The following SCAI variants were observed in gnomAD, a reference collection of about 807,000 sequenced individuals.
SCAI encodes the protein suppressor of cancer cell invasion.
Under a neutral mutation model 92.2 loss-of-function variants are expected in SCAI, and 24 were observed. The observed-to-expected ratio is 0.26, with a 90% CI of 0.19 to 0.37. The LOEUF (loss-of-function observed/expected upper bound fraction) is 0.37, where lower values mean the gene tolerates loss of function less well. Among genes scored for constraint, SCAI ranks in the 10% least tolerant of loss-of-function variants. The pLI, the probability that SCAI is intolerant of heterozygous loss-of-function variation, is 1.00. For missense variants in SCAI, 450 were observed against 736.2 expected (o/e 0.61, Z 4.50); for synonymous variants, 261 against 258.6 (o/e 1.01, Z -0.09).
Position 125,003,156 on chromosome 9 carries a change from T to C in SCAI, c.1023A>G (p.Pro341=). The stretch of plus-strand genomic sequence containing the variant: ...AGAAGGTATATAGCTGGCTGAAGGT[T>C]GGTTTGTAGAGCAGATACTTGTGGG... ...ENPHKYLLYK[P]TFSQLYTFLA... is the part of the protein sequence containing the mutation. Residue 341 remains proline (P), a synonymous_variant, in exon 11 of 18, where the codon CCA becomes CCG. Coordinates refer to ENST00000336505, the MANE Select transcript of SCAI (RefSeq NM_001144877.3). 1 of 1,614,074 alleles carries C rather than the reference T, an allele frequency of 6.2e-7. No individual in the cohort carries two copies. The highest frequency in any genetic ancestry group is 8.5e-7 in the Non-Finnish European group (1 of 1,179,948).
chr9:125,131,420 A>AG (rs1385691953), intron 2 of SCAI, among the ~76,000 whole-genome samples: 10 of 151,502 alleles, frequency 6.6e-5, no homozygotes, highest in African/African-American at 2.4e-4. Context: ...AAAAAAAAAA[A>AG]AAAGAAAAAT....
chr9:125,075,842 G>A (rs1310321263), intron 2 of SCAI, among the ~76,000 whole-genome samples: 1 of 152,150 alleles, frequency 6.6e-6, no homozygotes, highest in African/African-American at 2.4e-5. Context: ...TGGGATTATA[G>A]GCGTGAGCCA....
intron 3 of SCAI, among the ~76,000 whole-genome samples, chr9:125,036,528 A>G (rs948608249): frequency 5.9e-5 from 9 of 152,210 alleles, no homozygotes; most frequent in Non-Finnish European, 1.2e-4. Flanking sequence ...TCCAGGTGAG[A>G]GGGATGTTTT....
At chr9:124,985,883 G>T (rs1031131090) in intron 14 of SCAI, among the ~76,000 whole-genome samples, 1 of 142,406 alleles carries the variant, frequency 7.0e-6, no homozygotes, top group Non-Finnish European at 1.5e-5. Flanking sequence ...AAAAAAAAAA[G>T]AAATTCCAAT....
In SCAI at chr9:125,019,218, AC is replaced by A; in HGVS notation, c.610-14del. 1 of 1,445,128 alleles carries A rather than the reference AC, an allele frequency of 6.9e-7. No homozygotes were observed. The highest frequency in any genetic ancestry group is 1.4e-5 in the African/African-American group (1 of 70,110). 89.5% of individuals were successfully genotyped at this position (1,445,128 alleles called of 1,614,324 possible). ...CATCTGACAATTCCTGATTTTAAAA[AC>A]ATCACAAAAAAGGTTATTAAAAAAC... On this transcript the variant is annotated splice_polypyrimidine_tract_variant and intron_variant, in intron 7 of 17. Coordinates refer to ENST00000336505, the MANE Select transcript of SCAI (RefSeq NM_001144877.3).
intron 2 of SCAI, among the ~76,000 whole-genome samples, chr9:125,078,352 C>T (rs1834138023): frequency 6.6e-6 from 1 of 152,010 alleles, no homozygotes; most frequent in Non-Finnish European, 1.5e-5. Flanking sequence ...TGTGATGAAA[C>T]CACATCTCTA....
chr9:125,083,080 G>C (rs2131183116), intron 2 of SCAI, among the ~76,000 whole-genome samples: 1 of 152,266 alleles, frequency 6.6e-6, no homozygotes, highest in South Asian at 2.1e-4. Flanking sequence ...TTGTGGGAGG[G>C]ACCCGGATGT....
At chr9:125,111,957 A>T (rs1834937898) in intron 2 of SCAI, among the ~76,000 whole-genome samples, 1 of 152,208 alleles carries the variant, frequency 6.6e-6, no homozygotes, top group Non-Finnish European at 1.5e-5. Context: ...GTTTCTCTCA[A>T]GTATTCCGCC....
intron 2 of SCAI, among the ~76,000 whole-genome samples, chr9:125,079,512 CACTT>C (rs1834163785): frequency 6.6e-6 from 1 of 152,202 alleles, no homozygotes; most frequent in Non-Finnish European, 1.5e-5. Context: ...TAATTTTTCA[CACTT>C]ACTAGTTAAA....
At chr9:125,037,757 A>G (rs1000881225) in intron 3 of SCAI, among the ~76,000 whole-genome samples, 1 of 152,000 alleles carries the variant, frequency 6.6e-6, no homozygotes, top group Non-Finnish European at 1.5e-5. Flanking sequence ...TCTACTAAAC[A>G]TACAAAATAT....
intron 14 of SCAI, among the ~76,000 whole-genome samples, chr9:124,977,556 C>A (rs1831786464): frequency 6.6e-6 from 1 of 152,160 alleles, no homozygotes; most frequent in Admixed American, 6.6e-5. Flanking sequence ...TGCTTGCAGT[C>A]CCAGCTGCTT....
intron 14 of SCAI, among the ~76,000 whole-genome samples, chr9:124,977,961 GA>G (rs960774616): frequency 2.6e-5 from 4 of 151,824 alleles, no homozygotes; most frequent in African/African-American, 4.8e-5. Context: ...TAAAAGTGGT[GA>G]AAAAAATAAT....
At chr9:125,024,420 C>G (rs558150077) in intron 6 of SCAI, among the ~76,000 whole-genome samples, 15 of 152,078 alleles carry the variant, frequency 9.9e-5, no homozygotes, top group African/African-American at 3.6e-4. Flanking sequence ...GGACTACAGG[C>G]GCGTGCCACC....
chr9:124,962,760 GTATATTATA>G (rs1831465257), intron 17 of SCAI, among the ~76,000 whole-genome samples: 1 of 150,876 alleles, frequency 6.6e-6, no homozygotes, highest in South Asian at 2.1e-4. Context: ...CAAATACTTT[GTATATTATA>G]TGTATTATAT....
At chr9:125,001,940 A>C (rs1832370168) in intron 12 of SCAI, 25 bp downstream of exon 12, 1 of 1,516,218 alleles carries the variant, frequency 6.6e-7, no homozygotes. Flanking sequence ...CCCTGCTCAC[A>C]ACAGGGAGCA....
At chr9:125,102,033 C>A (rs1031990115) in intron 2 of SCAI, among the ~76,000 whole-genome samples, 2 of 152,168 alleles carry the variant, frequency 1.3e-5, no homozygotes, top group African/African-American at 4.8e-5. Flanking sequence ...CACTTGGGAT[C>A]ACATCATTCC....
Position 124,947,051 on chromosome 9 carries a change from G to A in SCAI, c.*5756C>T, listed in dbSNP as rs983685179. 1 of 152,064 alleles carries A rather than the reference G, an allele frequency of 6.6e-6. No individual in the cohort carries two copies. Among genetic ancestry groups the A allele is most frequent in the African/African-American group, 2.4e-5 (1 of 41,398 alleles). The allele number at this position is 152,064 out of a possible 1,614,324, so 9.4% of individuals were successfully genotyped here. ...CTAATGCCCCCTTTTCTGCCTCATAGAGACACATAAAACACTGATGAAAAA... is the reference window on the plus strand; with the variant it reads ...CTAATGCCCCCTTTTCTGCCTCATAAAGACACATAAAACACTGATGAAAAA... On this transcript the variant is annotated 3_prime_UTR_variant, in exon 18 of 18. Coordinates refer to ENST00000336505, the MANE Select transcript of SCAI (RefSeq NM_001144877.3).
intron 2 of SCAI, among the ~76,000 whole-genome samples, chr9:125,102,965 A>C (rs560701178): frequency 1.3e-5 from 2 of 152,124 alleles, no homozygotes; most frequent in South Asian, 4.2e-4. Flanking sequence ...AATTTTCATG[A>C]GGTTCCATCT....
At chr9:125,135,252 CTG>C (rs377744376) in intron 2 of SCAI, among the ~76,000 whole-genome samples, 4 of 152,320 alleles carry the variant, frequency 2.6e-5, no homozygotes, top group African/African-American at 9.6e-5. Flanking sequence ...TTTTCTTAAA[CTG>C]TCTTACAGTT....
Sources: gnomAD v4.1 joint callset for allele counts (sites outside exome capture counted in the v4.1 genomes callset) on GRCh38, gnomAD v4.1.1 for gene constraint, MANE v1.5 for transcripts, NCBI Gene and HGNC (gene_info 2026-07-23, HGNC 2026-07-21) for gene names.